LAMA2: variants seen among roughly 807,000 people sequenced by gnomAD.
The protein encoded by LAMA2 is laminin subunit alpha 2, also known as laminin subunit alpha-2.
A neutral mutation model predicts 364.8 loss-of-function variants in LAMA2; 269 were observed. The observed-to-expected ratio is 0.74, with a 90% CI of 0.67 to 0.82. The LOEUF (loss-of-function observed/expected upper bound fraction) is 0.82. Ranked by LOEUF, LAMA2 falls within the 40% of genes least tolerant of loss-of-function variation. LAMA2 has a pLI of 0.00. For synonymous variants in LAMA2, 1,379 were observed against 1,370.6 expected (o/e 1.01, Z -0.14); for missense variants, 3,807 against 3,873.2 (o/e 0.98, Z 0.45).
chr6:129,261,117 G>A (rs1216336904), intron 15 of LAMA2, among the ~76,000 whole-genome samples: 5 of 151,880 alleles, frequency 3.3e-5, no homozygotes, highest in South Asian at 2.1e-4. Flanking sequence ...TAGCAGAATA[G>A]CACTTCAAAA....
Position 129,077,583 on chromosome 6 carries a change from T to C in LAMA2, c.396+17687T>C, listed in dbSNP as rs563233545. On this transcript the variant is annotated intron_variant, in intron 3 of 64. Transcript: ENST00000421865. The stretch of plus-strand genomic sequence containing the variant: ...ATATGCACATAGATAAATATGTATA[T>C]GTAGTGCAACACAGATGAGAAGATA... Among the ~76,000 whole-genome samples the C allele has an allele frequency of 5.9e-5, 9 of 152,334 alleles. No homozygotes were observed. In the South Asian group the frequency reaches 1.5e-3, roughly 25 times the overall value.
intron 14 of LAMA2, 77 bp from the exon 15 acceptor site, chr6:129,260,634 G>T: frequency 3.4e-6 from 3 of 878,312 alleles, no homozygotes; most frequent in Non-Finnish European, 5.9e-6. Context: ...TTATGTCATT[G>T]TTGCTGTACG....
chr6:129,505,757 C>A (rs573803892), intron 61 of LAMA2, among the ~76,000 whole-genome samples: 1 of 152,012 alleles, frequency 6.6e-6, no homozygotes, highest in Admixed American at 6.5e-5. Context: ...TGGTCTCAAT[C>A]TCCTGACCTC....
chr6:129,516,102 C>T, intron 64 of LAMA2, 88 bp from the exon 65 acceptor site: 1 of 1,409,102 alleles, frequency 7.1e-7, no homozygotes, highest in Non-Finnish European at 1.0e-6. Flanking sequence ...CCAATTTAAT[C>T]TCAAGCTAAC....
chr6:129,143,041 A>G (rs1778223770), intron 4 of LAMA2, among the ~76,000 whole-genome samples: 1 of 151,986 alleles, frequency 6.6e-6, no homozygotes, highest in Non-Finnish European at 1.5e-5. Context: ...ATTTTGTCAC[A>G]CAGTTTATTC....
At chr6:129,403,680 G>C (rs1780095030) in intron 39 of LAMA2, 141 bp from the exon 40 acceptor site, 2 of 768,984 alleles carry the variant, frequency 2.6e-6, no homozygotes, top group Admixed American at 4.0e-5. Context: ...AATATAATAA[G>C]TAGATACTTC....
intron 1 of LAMA2, among the ~76,000 whole-genome samples, chr6:128,977,361 G>A (rs1582808641): frequency 6.7e-6 from 1 of 150,116 alleles, no homozygotes; most frequent in South Asian, 2.1e-4. Flanking sequence ...CTGGGCTCAA[G>A]CAATCCTTCC....
At chr6:129,184,825 G>C (rs534384605) in intron 10 of LAMA2, among the ~76,000 whole-genome samples, 1 of 151,904 alleles carries the variant, frequency 6.6e-6, no homozygotes, top group Admixed American at 6.6e-5. Context: ...CTACTGTCCA[G>C]CTCTGGTTCT....
chr6:129,154,674 A>G lies in LAMA2; in HGVS notation c.1197A>G (p.Arg399=). The G allele has an allele frequency of 7.4e-6, 12 of 1,613,582 alleles. No individual in the cohort carries two copies. Among genetic ancestry groups the G allele is most frequent in the Non-Finnish European group, 1.0e-5 (12 of 1,179,560 alleles). ...AGACATGTACTGATGGCTTCTTCAG[A>G]CCCAAAGGGGTAAAGTATGCTTTTT... ...NCETCTDGFF[R]PKGVSPNYPR... The change falls in exon 8 of 65, where the codon AGA becomes AGG. Residue 399 remains arginine, a synonymous_variant. Coordinates refer to ENST00000421865, the MANE Select transcript of LAMA2 (RefSeq NM_000426.4).
At chr6:129,194,152 AG>A (rs1781701914) in intron 12 of LAMA2, among the ~76,000 whole-genome samples, 1 of 152,104 alleles carries the variant, frequency 6.6e-6, no homozygotes, top group Non-Finnish European at 1.5e-5. Context: ...ACAGCACATA[AG>A]ACTTGAATTT....
At chr6:129,093,853 A>G (rs1368315509) in intron 3 of LAMA2, among the ~76,000 whole-genome samples, 1 of 152,236 alleles carries the variant, frequency 6.6e-6, no homozygotes, top group Non-Finnish European at 1.5e-5. Flanking sequence ...TTCAACAGAA[A>G]AGACACTTGG....
chr6:129,356,614 A>C (rs73587375), intron 32 of LAMA2, among the ~76,000 whole-genome samples: 2,699 of 152,158 alleles, frequency 0.018, 65 homozygotes, highest in African/African-American at 0.059. Context: ...CTTAACCTCT[A>C]TGCTGGCTAC....
chr6:129,165,335 A>G (rs1262316249), intron 8 of LAMA2, among the ~76,000 whole-genome samples: 1 of 152,100 alleles, frequency 6.6e-6, no homozygotes, highest in African/African-American at 2.4e-5. Context: ...ATCAATAAGT[A>G]TTGAATCTAA....
chr6:129,417,367 G>T (rs1389978135), intron 40 of LAMA2, among the ~76,000 whole-genome samples: 1 of 152,136 alleles, frequency 6.6e-6, no homozygotes, highest in Non-Finnish European at 1.5e-5. Context: ...ACAGTGGGTA[G>T]CTCCTATCCA....
chr6:128,981,148 G>A (rs1037933179), intron 1 of LAMA2, among the ~76,000 whole-genome samples: 2 of 151,910 alleles, frequency 1.3e-5, no homozygotes, highest in Admixed American at 6.6e-5. Flanking sequence ...AACGATTTTC[G>A]GTCCCTACAT....
At chr6:129,179,976 ATAAT>A (rs1780835340) in intron 10 of LAMA2, among the ~76,000 whole-genome samples, 2 of 152,170 alleles carry the variant, frequency 1.3e-5, no homozygotes, top group African/African-American at 4.8e-5. Flanking sequence ...TGTTTAAAAA[ATAAT>A]TAATAACCTA....
chr6:128,977,623 C>A (rs539965253), intron 1 of LAMA2, among the ~76,000 whole-genome samples: 312 of 152,166 alleles, frequency 2.1e-3, no homozygotes, highest in African/African-American at 7.0e-3. Flanking sequence ...TTGACTGATT[C>A]ATTACCTTCA....
intron 12 of LAMA2, among the ~76,000 whole-genome samples, chr6:129,218,891 A>T (rs891826666): frequency 3.3e-5 from 5 of 152,204 alleles, no homozygotes; most frequent in Non-Finnish European, 7.4e-5. Flanking sequence ...TTTATTATTC[A>T]ATATTTATAT....
intron 3 of LAMA2, among the ~76,000 whole-genome samples, chr6:129,075,478 C>A (rs1195765149): frequency 6.6e-6 from 1 of 152,088 alleles, no homozygotes; most frequent in Non-Finnish European, 1.5e-5. Context: ...TAACATTCTG[C>A]TAAATGGAGA....
Sources: allele counts gnomAD v4.1 joint callset (sites outside exome capture counted in the v4.1 genomes callset), GRCh38; gene constraint gnomAD v4.1.1; transcripts MANE v1.5; gene names NCBI Gene and HGNC (gene_info 2026-07-23, HGNC 2026-07-21).